The following MCPH1 variants were observed in gnomAD, a reference collection of about 807,000 sequenced individuals.
The protein encoded by MCPH1 is microcephalin 1.
MCPH1 carries 104 observed loss-of-function variants against 84.5 expected under a neutral mutation model. That is an observed-to-expected ratio of 1.23 (90% CI 1.05 to 1.45). MCPH1 has a LOEUF of 1.45. MCPH1 is among the 40% of genes most tolerant of loss of function. The probability of loss-of-function intolerance (pLI) is 0.00; values close to 1 mark genes in which losing one functional copy is unlikely to be tolerated. For missense variants in MCPH1, 1,498 were observed against 1,005.7 expected, an observed-to-expected ratio of 1.49 and a Z score of -6.62; for synonymous variants, 514 against 366.8, an observed-to-expected ratio of 1.40 and a Z score of -4.58.
intron 12 of MCPH1, among the ~76,000 whole-genome samples, chr8:6,594,756 C>G (rs908336644): frequency 6.6e-6 from 1 of 150,622 alleles, no homozygotes; most frequent in Non-Finnish European, 1.5e-5. Context: ...CTTGCCATCT[C>G]TCATTTCTGC....
chr8:6,524,622 T>A (rs1817992238), intron 12 of MCPH1, among the ~76,000 whole-genome samples: 5 of 152,090 alleles, frequency 3.3e-5, no homozygotes, highest in Admixed American at 3.3e-4. Context: ...TTTTTTAGGG[T>A]TTTGGAGAAA....
intron 12 of MCPH1, among the ~76,000 whole-genome samples, chr8:6,582,041 G>T (rs1827604617): frequency 6.6e-6 from 1 of 152,182 alleles, no homozygotes; most frequent in East Asian, 1.9e-4. Flanking sequence ...ATTTGAGGGA[G>T]GCGCAAACAT....
chr8:6,567,297 ACG>A (rs1361696844), intron 12 of MCPH1, among the ~76,000 whole-genome samples: 44 of 28,940 alleles, frequency 1.5e-3, no homozygotes, highest in South Asian at 9.3e-3. Flanking sequence ...GATAGTGTAC[ACG>A]GTGCGATGAC....
chr8:6,489,575 C>G (rs1401587544), intron 11 of MCPH1, among the ~76,000 whole-genome samples: 3 of 152,202 alleles, frequency 2.0e-5, no homozygotes, highest in Admixed American at 2.0e-4. Flanking sequence ...GCAGTGGAAG[C>G]ACTAGGGTTA....
intron 12 of MCPH1, among the ~76,000 whole-genome samples, chr8:6,560,771 T>C (rs1009117194): frequency 1.3e-5 from 2 of 152,228 alleles, no homozygotes; most frequent in Admixed American, 1.3e-4. Flanking sequence ...TTAAATGTTA[T>C]CTCAAAGACC....
intron 12 of MCPH1, among the ~76,000 whole-genome samples, chr8:6,519,457 C>G (rs1816889757): frequency 6.6e-6 from 1 of 152,132 alleles, no homozygotes; most frequent in South Asian, 2.1e-4. Flanking sequence ...TTTGACACAG[C>G]AGTAGAAATT....
chr8:6,475,857 G>C (rs1371529700), intron 9 of MCPH1, among the ~76,000 whole-genome samples: 1 of 152,140 alleles, frequency 6.6e-6, no homozygotes, highest in Non-Finnish European at 1.5e-5. Context: ...TGTGGGGTGT[G>C]GGGTTGGCAG....
intron 3 of MCPH1, among the ~76,000 whole-genome samples, chr8:6,420,567 A>G (rs1225432154): frequency 6.6e-6 from 1 of 151,988 alleles, no homozygotes; most frequent in Admixed American, 6.6e-5. Flanking sequence ...AGTATCAGCC[A>G]GCCATCATTG....
chr8:6,432,141 A>G (rs1212501700), intron 4 of MCPH1, among the ~76,000 whole-genome samples: 1 of 152,210 alleles, frequency 6.6e-6, no homozygotes, highest in East Asian at 1.9e-4. Flanking sequence ...TACCTAAGAA[A>G]GAATTGTTTG....
chr8:6,506,952 T>C (rs565641195), intron 12 of MCPH1, among the ~76,000 whole-genome samples: 7 of 152,196 alleles, frequency 4.6e-5, no homozygotes, highest in Non-Finnish European at 7.4e-5. Context: ...GGCTGGATTG[T>C]ACTGGTGCGA....
chr8:6,556,844 C>A (rs570459113), intron 12 of MCPH1, among the ~76,000 whole-genome samples: 2 of 152,120 alleles, frequency 1.3e-5, no homozygotes, highest in East Asian at 1.9e-4. Flanking sequence ...CCATCTTGGC[C>A]TCTCAAAGCT....
At position 6,505,308 on chromosome 8, in the gene MCPH1, TAAC is replaced by T. The variant is rs1276570661; in HGVS notation, c.2214+5381_2214+5383del. 2.9e-3 allele frequency among the ~76,000 whole-genome samples: 129 copies of T among 44,742 alleles called. 4 individuals carry two copies. The highest frequency in any genetic ancestry group is 0.014 in the African/African-American group (97 of 7,004). 29.4% of individuals were successfully genotyped at this position (44,742 alleles called of 152,430 possible). On this transcript the variant is annotated intron_variant, in intron 12 of 13. Transcript: ENST00000344683. Reference sequence around the variant, plus strand: ...TATGTTATATACATATATATGTATATAACATATATATGTTATATACATATAGAA... The same window carrying T: ...TATGTTATATACATATATATGTATATATATATATGTTATATACATATAGAA...
At chr8:6,467,531 G>A (rs551619241) in intron 9 of MCPH1, among the ~76,000 whole-genome samples, 48 of 152,178 alleles carry the variant, frequency 3.2e-4, no homozygotes, top group African/African-American at 1.1e-3. Context: ...TAACAAAAAC[G>A]AGGGACCATG....
chr8:6,625,651 G>C, intron 13 of MCPH1: 1 of 985,338 alleles, frequency 1.0e-6, no homozygotes, highest in Non-Finnish European at 1.2e-6. Flanking sequence ...AGTAATTTGA[G>C]CCGGGCGTGG....
At position 6,648,297 on chromosome 8, in the gene MCPH1, A is replaced by G. The variant is rs1414365620; in HGVS notation, c.*5248A>G. The stretch of plus-strand genomic sequence containing the variant: ...GTTTTCCATACCTGAGCCTGCTTCT[A>G]CCCACTTTTATTTTTCCCAGGAGTC... On this transcript the variant is annotated 3_prime_UTR_variant, in exon 14 of 14. Transcript: ENST00000344683. The G allele has an allele frequency of 5.3e-5, 8 of 152,134 alleles. No homozygotes were observed. Among genetic ancestry groups the G allele is most frequent in the Non-Finnish European group, 1.2e-4 (8 of 68,072 alleles). The allele number at this position is 152,134 out of a possible 1,614,324, so 9.4% of individuals were successfully genotyped here.
At chr8:6,605,950 GC>G (rs1417294442) in intron 12 of MCPH1, among the ~76,000 whole-genome samples, 1 of 152,054 alleles carries the variant, frequency 6.6e-6, no homozygotes, top group Non-Finnish European at 1.5e-5. Flanking sequence ...ACCCCCCTTG[GC>G]CCCCCAGAAT....
chr8:6,545,977 G>A (rs1822513955), intron 12 of MCPH1, among the ~76,000 whole-genome samples: 1 of 152,186 alleles, frequency 6.6e-6, no homozygotes, highest in Non-Finnish European at 1.5e-5. Context: ...CGATATTTGT[G>A]ACATTGGAAG....
At chr8:6,492,738 T>A (rs200459946) in intron 11 of MCPH1, among the ~76,000 whole-genome samples, 1 of 27,296 alleles carries the variant, frequency 3.7e-5, no homozygotes, top group Admixed American at 7.7e-4. Flanking sequence ...CAAATAAATA[T>A]TAATAATAAT....
At position 6,577,205 on chromosome 8, in the gene MCPH1, G is replaced by A. The variant is rs144129218; in HGVS notation, c.2215-44249G>A. Among the ~76,000 whole-genome samples the A allele has an allele frequency of 4.2e-3, 634 of 152,326 alleles. 5 individuals are homozygous for A. Among genetic ancestry groups the A allele is most frequent in the African/African-American group, 0.015 (604 of 41,580 alleles). ...CCAGCGCCTCTTCCTCAGAGCATCTGCAGTGCTGCAGACAGGGCCTCCCTG... is the reference window on the plus strand; with the variant it reads ...CCAGCGCCTCTTCCTCAGAGCATCTACAGTGCTGCAGACAGGGCCTCCCTG... On this transcript the variant is annotated intron_variant, in intron 12 of 13. Transcript: ENST00000344683.
Sources: gnomAD v4.1 joint callset for allele counts (sites outside exome capture counted in the v4.1 genomes callset) on GRCh38, gnomAD v4.1.1 for gene constraint, MANE v1.5 for transcripts, NCBI Gene and HGNC (gene_info 2026-07-23, HGNC 2026-07-21) for gene names.